TRAPPC10: variants seen among roughly 807,000 people sequenced by gnomAD.
TRAPPC10 encodes the protein trafficking protein particle complex subunit 10, also known as TRAPP 130 kDa subunit.
TRAPPC10 carries 23 observed loss-of-function variants against 125.5 expected under a neutral mutation model. The observed-to-expected ratio is 0.18, with a 90% CI of 0.13 to 0.26. TRAPPC10 has a LOEUF of 0.26. TRAPPC10 is among the 10% of genes least tolerant of loss of function. TRAPPC10 has a pLI of 1.00. For synonymous variants in TRAPPC10, 509 were observed against 518.0 expected (o/e 0.98, Z 0.24); for missense variants, 1,123 against 1,308.4 (o/e 0.86, Z 2.19).
intron 13 of TRAPPC10, 72 bp downstream of exon 13, chr21:44,080,199 T>C (rs1190936709): frequency 5.5e-6 from 7 of 1,275,606 alleles, no homozygotes; most frequent in East Asian, 4.9e-5. Context: ...ATACAAGATA[T>C]ACCAACCACT....
intron 18 of TRAPPC10, among the ~76,000 whole-genome samples, chr21:44,091,430 T>A (rs945794317): frequency 3.9e-5 from 6 of 152,222 alleles, no homozygotes; most frequent in Admixed American, 2.0e-4. Context: ...TAAAAACTTT[T>A]TTTATTTATT....
In TRAPPC10 at chr21:44,087,267, GCC is replaced by G. The variant is rs961088017; in HGVS notation, c.2539+309_2539+310del. On this transcript the variant is annotated intron_variant, in intron 16 of 22. Coordinates refer to ENST00000291574, the MANE Select transcript of TRAPPC10 (RefSeq NM_003274.5). The surrounding 1 kb of genome is among the most constrained non-coding windows in gnomAD (Gnocchi z 4.6). ...GCCAGACCCTGTCCCCCTTGGGCTG[GCC>G]CTGCTCCCGAGAAGCAAAAGCAGAG... Among the ~76,000 whole-genome samples, 1 of 152,184 alleles carries G rather than the reference GCC, an allele frequency of 6.6e-6. No individual in the cohort carries two copies. Among genetic ancestry groups the G allele is most frequent in the African/African-American group, 2.4e-5 (1 of 41,424 alleles).
chr21:44,082,807 C>T lies in TRAPPC10; in HGVS notation c.1743C>T (p.Pro581=). 6.2e-7 allele frequency: 1 copy of T among 1,613,788 alleles called. No individual in the cohort carries two copies. Among genetic ancestry groups the T allele is most frequent in the East Asian group, 2.2e-5 (1 of 44,862 alleles). ...TTACAGGTCATAAGATAGTGCTACCCATGCATTCCTTTGCACAACTGCGAG... is the reference window on the plus strand; with the variant it reads ...TTACAGGTCATAAGATAGTGCTACCTATGCATTCCTTTGCACAACTGCGAG... ...SDSPGHKIVL[P]MHSFAQLRDL... The change falls in exon 14 of 23, where the codon CCC becomes CCT. Residue 581 remains proline, a synonymous_variant. Coordinates refer to ENST00000291574, the MANE Select transcript of TRAPPC10 (RefSeq NM_003274.5). This position sits in a 1 kb window ranked among gnomAD's most constrained non-coding sequence, Gnocchi z 4.4.
At position 44,059,064 on chromosome 21, in the gene TRAPPC10, T is replaced by C. The variant is rs771932320; in HGVS notation, c.679-39T>C. 3 of 1,493,444 alleles carry C rather than the reference T, an allele frequency of 2.0e-6. No individual in the cohort carries two copies. The South Asian group carries it at 3.8e-5, about 19-fold the overall frequency. 92.5% of individuals were successfully genotyped at this position (1,493,444 alleles called of 1,614,324 possible). A position where few individuals can be genotyped will look rare whatever the true frequency, so the allele number is the denominator to read the frequency against. On this transcript the variant is annotated intron_variant, in intron 5 of 22. Coordinates refer to ENST00000291574, the MANE Select transcript of TRAPPC10 (RefSeq NM_003274.5). The surrounding 1 kb of genome is among the most constrained non-coding windows in gnomAD (Gnocchi z 4.4). The stretch of plus-strand genomic sequence containing the variant: ...ACTGTTTCTTCTATACATTGATTTA[T>C]GTTTTTGTTTTTTTAAAAAACGTAT...
At chr21:44,088,035 T>G in intron 17 of TRAPPC10, 107 bp downstream of exon 17, 1 of 928,814 alleles carries the variant, frequency 1.1e-6, no homozygotes, top group Non-Finnish European at 1.7e-6. Flanking sequence ...CTCCTTCTGA[T>G]TCCCGATGCC....
chr21:44,094,205 C>T lies in TRAPPC10; in HGVS notation c.3140C>T (p.Thr1047Ile), dbSNP rs1195819381. 3 of 1,611,360 alleles carry T rather than the reference C, an allele frequency of 1.9e-6. No individual in the cohort carries two copies. Among genetic ancestry groups the T allele is most frequent in the Admixed American group, 1.7e-5 (1 of 59,370 alleles). Residue 1047 changes from threonine (T) to isoleucine (I), a missense_variant, in exon 20 of 23, where the codon ACT becomes ATT. By Grantham distance (89) the Thr-to-Ile change is moderately conservative. Transcript: ENST00000291574. ...EQLSISLKPYTYEFKVENFFT... is the reference protein window; with the variant it reads ...EQLSISLKPYIYEFKVENFFT... Reference sequence around the variant, plus strand: ...CTGTCTATCTCCTTAAAGCCGTATACTTATGAATTTAAAGTGGAAAATTTT... The same window carrying T: ...CTGTCTATCTCCTTAAAGCCGTATATTTATGAATTTAAAGTGGAAAATTTT...
intron 20 of TRAPPC10, among the ~76,000 whole-genome samples, chr21:44,094,950 T>C (rs1010506706): frequency 1.3e-5 from 2 of 151,618 alleles, no homozygotes; most frequent in South Asian, 4.1e-4. Context: ...TTTATATAAC[T>C]CTCCTTAAAT....
chr21:44,095,906 C>T (rs1364086951), intron 20 of TRAPPC10, among the ~76,000 whole-genome samples: 2 of 149,318 alleles, frequency 1.3e-5, no homozygotes, highest in Non-Finnish European at 3.0e-5. Context: ...CTATTCAATT[C>T]TCCTGGTAAA....
intron 7 of TRAPPC10, among the ~76,000 whole-genome samples, chr21:44,064,784 GAGA>G (rs1161853845): frequency 1.3e-5 from 2 of 152,062 alleles, no homozygotes; most frequent in Non-Finnish European, 2.9e-5. Context: ...ATTTCAAAAG[GAGA>G]AGTTCTTATT....
chr21:44,015,683 C>T (rs1223570022), intron 1 of TRAPPC10, among the ~76,000 whole-genome samples: 2 of 151,290 alleles, frequency 1.3e-5, no homozygotes, highest in Non-Finnish European at 2.9e-5. Context: ...GGCGCGATCT[C>T]GGCTCACTGC....
chr21:44,067,396 G>A (rs888151524), intron 7 of TRAPPC10, among the ~76,000 whole-genome samples: 4 of 152,182 alleles, frequency 2.6e-5, no homozygotes, highest in Non-Finnish European at 5.9e-5. Context: ...ACCCTGCTGG[G>A]TGGGTGCTCT....
chr21:44,049,715 G>A (rs548615905), intron 3 of TRAPPC10, among the ~76,000 whole-genome samples: 48 of 152,242 alleles, frequency 3.2e-4, no homozygotes, highest in South Asian at 1.7e-3. Context: ...ACCTGGGGCG[G>A]CCTGCTGTGC....
At chr21:44,070,535 T>G (rs1374256015) in intron 7 of TRAPPC10, among the ~76,000 whole-genome samples, 2 of 152,198 alleles carry the variant, frequency 1.3e-5, no homozygotes, top group Admixed American at 1.3e-4. Context: ...TGTTGGGTGC[T>G]GTGGCATGCT....
At chr21:44,066,668 T>C (rs901872623) in intron 7 of TRAPPC10, among the ~76,000 whole-genome samples, 8 of 152,246 alleles carry the variant, frequency 5.3e-5, no homozygotes, top group East Asian at 1.9e-4. Context: ...TCCATGGCCT[T>C]CTTATGTATA....
intron 7 of TRAPPC10, among the ~76,000 whole-genome samples, chr21:44,072,515 G>A (rs2036952122): frequency 6.6e-6 from 1 of 152,176 alleles, no homozygotes; most frequent in Non-Finnish European, 1.5e-5. Context: ...CCAGGCTGGA[G>A]TGCAATGGCA....
intron 7 of TRAPPC10, among the ~76,000 whole-genome samples, chr21:44,070,173 T>C (rs1376580299): frequency 5.3e-5 from 8 of 152,132 alleles, no homozygotes; most frequent in Non-Finnish European, 1.0e-4. Context: ...TACCTTCCAG[T>C]GTGTGGGTTG....
intron 15 of TRAPPC10, among the ~76,000 whole-genome samples, chr21:44,085,056 T>TA (rs1194112788): frequency 2.6e-5 from 4 of 152,146 alleles, no homozygotes; most frequent in African/African-American, 7.2e-5. Context: ...CATGATCGAT[T>TA]ACACCACTGG....
At chr21:44,030,672 T>C (rs1316390987) in intron 1 of TRAPPC10, among the ~76,000 whole-genome samples, 4 of 152,126 alleles carry the variant, frequency 2.6e-5, no homozygotes, top group Non-Finnish European at 5.9e-5. Flanking sequence ...TTCTCCATGT[T>C]GGTCAGGCTG....
intron 2 of TRAPPC10, among the ~76,000 whole-genome samples, chr21:44,037,041 A>G (rs955118116): frequency 1.3e-5 from 2 of 152,220 alleles, no homozygotes; most frequent in Admixed American, 6.5e-5. Flanking sequence ...CCCATTCATG[A>G]TGGTTGGTTT....
Sources: gnomAD v4.1 joint callset for allele counts (sites outside exome capture counted in the v4.1 genomes callset) on GRCh38, gnomAD v4.1.1 for gene constraint, Gnocchi (gnomAD v3.1) non-coding constraint, MANE v1.5 for transcripts, NCBI Gene and HGNC (gene_info 2026-07-23, HGNC 2026-07-21) for gene names.